The following PCDHA6 variants were observed in gnomAD, a reference collection of about 807,000 sequenced individuals.
The protein encoded by PCDHA6 is protocadherin alpha-6.
PCDHA6 carries 55 observed loss-of-function variants against 60.3 expected under a neutral mutation model. That is an observed-to-expected ratio of 0.91 (90% CI 0.73 to 1.14). The LOEUF is 1.14. Among genes scored for constraint, PCDHA6 ranks in the 50% most tolerant of loss-of-function variants. The probability of loss-of-function intolerance (pLI) is 0.00; values close to 1 mark genes in which losing one functional copy is unlikely to be tolerated. For missense variants in PCDHA6, 1,327 were observed against 1,256.5 expected, an observed-to-expected ratio of 1.06 and a Z score of -0.85; for synonymous variants, 652 against 557.9, an observed-to-expected ratio of 1.17 and a Z score of -2.38.
chr5:140,995,867 G>A (rs1355291744), intron 3 of PCDHA6, among the ~76,000 whole-genome samples: 1 of 152,152 alleles, frequency 6.6e-6, no homozygotes, highest in Non-Finnish European at 1.5e-5. Flanking sequence ...CTTAATAATT[G>A]TGCAACCTGT....
chr5:140,995,861 A>G (rs2097700846), intron 3 of PCDHA6, among the ~76,000 whole-genome samples: 1 of 152,220 alleles, frequency 6.6e-6, no homozygotes. Context: ...GTATCACTTA[A>G]TAATTGTGCA....
At chr5:140,877,697 C>A in intron 1 of PCDHA6, 2 of 1,613,912 alleles carry the variant, frequency 1.2e-6, no homozygotes, top group Non-Finnish European at 1.7e-6. Context: ...CTGGTGTGCT[C>A]CAGCGCCGTG....
intron 1 of PCDHA6, among the ~76,000 whole-genome samples, chr5:140,845,118 T>C (rs1779705774): frequency 6.7e-6 from 1 of 149,786 alleles, no homozygotes; most frequent in Non-Finnish European, 1.5e-5. Flanking sequence ...TGTCCATGTT[T>C]AGCATTTTAT....
At chr5:140,969,385 C>A in intron 1 of PCDHA6, 1 of 1,598,120 alleles carries the variant, frequency 6.3e-7, no homozygotes, top group East Asian at 2.2e-5. Context: ...TTACACATCC[C>A]CCAATATCCT....
intron 1 of PCDHA6, chr5:140,843,699 T>C: frequency 6.3e-7 from 1 of 1,582,804 alleles, no homozygotes; most frequent in Non-Finnish European, 8.7e-7. Flanking sequence ...GATTTAAATG[T>C]TGATCATGGC....
In PCDHA6 at chr5:141,010,527, G is replaced by T; in HGVS notation, c.*590G>T. On this transcript the variant is annotated 3_prime_UTR_variant, in exon 4 of 4. Transcript: ENST00000529310. ...AAATCTTACAACTCAAGAGGTGGCA[G>T]CCACCCTCTAGGAGACAAAACTACC... The T allele has an allele frequency of 2.3e-6, 1 of 431,062 alleles. No homozygotes were observed. Among genetic ancestry groups the T allele is most frequent in the African/African-American group, 2.0e-5 (1 of 49,970 alleles). 26.7% of individuals were successfully genotyped at this position (431,062 alleles called of 1,614,324 possible).
intron 1 of PCDHA6, among the ~76,000 whole-genome samples, chr5:140,832,922 A>T (rs1396769346): frequency 5.9e-5 from 9 of 152,314 alleles, no homozygotes; most frequent in African/African-American, 1.7e-4. Flanking sequence ...ACTAACAGGT[A>T]TTCATGAGAA....
chr5:140,952,006 T>C (rs2094672029), intron 1 of PCDHA6, among the ~76,000 whole-genome samples: 1 of 152,184 alleles, frequency 6.6e-6, no homozygotes, highest in African/African-American at 2.4e-5. Context: ...GAAAGAATTA[T>C]AGGCCCCATG....
chr5:140,856,776 G>C (rs782634261), intron 1 of PCDHA6: 3 of 1,596,678 alleles, frequency 1.9e-6, no homozygotes, highest in Non-Finnish European at 1.7e-6. Flanking sequence ...ATCTTTGACA[G>C]ACCGGTTTAT....
Position 141,009,840 on chromosome 5 carries a change from A to T in PCDHA6, c.2756A>T (p.Lys919Met), listed in dbSNP as rs782270689. 1 of 1,614,186 alleles carries T rather than the reference A, an allele frequency of 6.2e-7. No individual in the cohort carries two copies. The highest frequency in any genetic ancestry group is 1.7e-5 in the Admixed American group (1 of 60,024). The change falls in exon 4 of 4, where the codon AAG (lysine) becomes ATG (methionine). Residue 919 changes from lysine (K) to methionine (M), a missense_variant. Lys to Met is a moderately conservative substitution (Grantham distance 95). Coordinates refer to ENST00000529310, the MANE Select transcript of PCDHA6 (RefSeq NM_018909.4). ...AGTGACTTCATAACCTTCGGCAAAA[A>T]GGAGGAGACCAAGAAAAAGAAGAAA... Reference protein sequence around the residue: ...DKSDFITFGKKEETKKKKKKK... With the variant: ...DKSDFITFGKMEETKKKKKKK...
At chr5:140,883,113 G>A in intron 1 of PCDHA6, 2 of 1,614,086 alleles carry the variant, frequency 1.2e-6, no homozygotes, top group Non-Finnish European at 1.7e-6. Context: ...TACTCATTTA[G>A]AAGGCCTGTA....
chr5:140,928,623 A>G (rs1554206072), intron 1 of PCDHA6: 1 of 1,614,210 alleles, frequency 6.2e-7, no homozygotes, highest in African/African-American at 1.3e-5. Flanking sequence ...CCAGGACTGG[A>G]CACTTGGTCA....
chr5:140,978,704 G>A (rs1250477330), intron 1 of PCDHA6, among the ~76,000 whole-genome samples: 1 of 152,242 alleles, frequency 6.6e-6, no homozygotes, highest in African/African-American at 2.4e-5. Flanking sequence ...GCCAAAGGTG[G>A]CCTTTACAAG....
chr5:140,914,207 A>G (rs1485868934), intron 1 of PCDHA6, among the ~76,000 whole-genome samples: 4 of 152,060 alleles, frequency 2.6e-5, no homozygotes, highest in African/African-American at 9.7e-5. Context: ...TGTGATCTCT[A>G]TCTCTCTTTT....
rs2150468826 is a variant in PCDHA6, at chr5:140,850,123, C to G, written c.2394+19638C>G. ...GTGAGCGCGCGCGACGCGGGCGTGCCGCCTCTGGGCAGCAACGTGACGCTG... is the reference window on the plus strand; with the variant it reads ...GTGAGCGCGCGCGACGCGGGCGTGCGGCCTCTGGGCAGCAACGTGACGCTG... On this transcript the variant is annotated intron_variant, in intron 1 of 3. Coordinates refer to ENST00000529310, the MANE Select transcript of PCDHA6 (RefSeq NM_018909.4). The G allele has an allele frequency of 1.3e-5, 21 of 1,595,804 alleles. 4 individuals carry two copies. The highest frequency in any genetic ancestry group is 2.7e-5 in the African/African-American group (2 of 74,358).
At chr5:141,007,522 C>T (rs1475001472) in intron 3 of PCDHA6, among the ~76,000 whole-genome samples, 1 of 151,940 alleles carries the variant, frequency 6.6e-6, no homozygotes, top group Non-Finnish European at 1.5e-5. Context: ...GAGCTGATAT[C>T]TCGCCACTGC....
At chr5:140,884,503 AGGGAGTT>A (rs782338567) in intron 1 of PCDHA6, 2 of 1,613,940 alleles carry the variant, frequency 1.2e-6, no homozygotes, top group Non-Finnish European at 1.7e-6. Context: ...CCAGCGCGGC[AGGGAGTT>A]GGTCGTACTC....
intron 1 of PCDHA6, among the ~76,000 whole-genome samples, chr5:140,837,614 C>G (rs188278547): frequency 3.4e-5 from 5 of 147,660 alleles, no homozygotes; most frequent in African/African-American, 1.3e-4. Flanking sequence ...TTATAATTTG[C>G]CCCTTCCTTC....
At chr5:141,009,262 C>T (rs2098403740) in intron 3 of PCDHA6, among the ~76,000 whole-genome samples, 2 of 152,112 alleles carry the variant, frequency 1.3e-5, no homozygotes, top group Non-Finnish European at 2.9e-5. Flanking sequence ...TGAGACCAGC[C>T]TGGGCAACAT....
Sources: gnomAD v4.1 joint callset for allele counts (sites outside exome capture counted in the v4.1 genomes callset) on GRCh38, gnomAD v4.1.1 for gene constraint, MANE v1.5 for transcripts, NCBI Gene and HGNC (gene_info 2026-07-23, HGNC 2026-07-21) for gene names.